NBAS: variants seen among roughly 807,000 people sequenced by gnomAD.
The protein encoded by NBAS is NBAS subunit of NRZ tethering complex.
NBAS carries 219 observed loss-of-function variants against 302.5 expected under a neutral mutation model. That is an observed-to-expected ratio of 0.72 (90% CI 0.65 to 0.81). The LOEUF (loss-of-function observed/expected upper bound fraction) is 0.81. Among genes scored for constraint, NBAS ranks in the 30% least tolerant of loss-of-function variants. NBAS has a pLI of 0.00. For synonymous variants in NBAS, 1,118 were observed against 1,021.6 expected (o/e 1.09, Z -1.80); for missense variants, 2,932 against 2,841.6 (o/e 1.03, Z -0.72).
chr2:15,542,039 T>G (rs1291594785), intron 6 of NBAS, among the ~76,000 whole-genome samples: 8 of 81,998 alleles, frequency 9.8e-5, no homozygotes, highest in Middle Eastern at 6.8e-3. Flanking sequence ...AGCCGCCCCG[T>G]CCAGGAGGTG....
At chr2:14,865,040 T>C in the NBAS span, among the ~76,000 whole-genome samples, 1 of 152,182 alleles carries the variant, frequency 6.6e-6, no homozygotes, top group Non-Finnish European at 1.5e-5. Context: ...TGTCTCTCCA[T>C]ACATGAATTT....
At chr2:14,794,569 A>G in the NBAS span, among the ~76,000 whole-genome samples, 1 of 152,170 alleles carries the variant, frequency 6.6e-6, no homozygotes, top group Non-Finnish European at 1.5e-5. Flanking sequence ...TTTTATTTAT[A>G]TATTTATATC....
At chr2:15,464,681 CCA>C (rs1679646934) in intron 19 of NBAS, among the ~76,000 whole-genome samples, 1 of 152,316 alleles carries the variant, frequency 6.6e-6, no homozygotes, top group Non-Finnish European at 1.5e-5. Flanking sequence ...CTACCCCCAG[CCA>C]CAGTCTCCTC....
chr2:15,385,263 T>A (rs1675230739), intron 28 of NBAS, among the ~76,000 whole-genome samples: 1 of 152,200 alleles, frequency 6.6e-6, no homozygotes, highest in Admixed American at 6.5e-5. Flanking sequence ...TCTTTCAGAT[T>A]GCTTACAGGC....
intron 44 of NBAS, among the ~76,000 whole-genome samples, chr2:15,265,201 C>T (rs148388859): frequency 1.3e-3 from 196 of 152,220 alleles, no homozygotes; most frequent in African/African-American, 4.5e-3. Context: ...CTACAATGAC[C>T]CTTCTCTTTT....
intron 46 of NBAS, among the ~76,000 whole-genome samples, chr2:15,233,582 T>C (rs1219913060): frequency 6.6e-6 from 1 of 152,188 alleles, no homozygotes; most frequent in East Asian, 1.9e-4. Flanking sequence ...CTGTCATCAT[T>C]TGAAAGAGGA....
the NBAS span, among the ~76,000 whole-genome samples, chr2:14,787,611 G>T: frequency 6.6e-6 from 1 of 152,140 alleles, no homozygotes; most frequent in Non-Finnish European, 1.5e-5. Context: ...GAAATTCTGG[G>T]TTGAAAATTC....
chr2:15,004,892 A>G, the NBAS span, among the ~76,000 whole-genome samples: 1 of 152,054 alleles, frequency 6.6e-6, no homozygotes, highest in Non-Finnish European at 1.5e-5. Context: ...TCTATGGTGA[A>G]GTTTATATTT....
At chr2:15,204,875 G>C (rs1418110421) in intron 48 of NBAS, among the ~76,000 whole-genome samples, 1 of 152,138 alleles carries the variant, frequency 6.6e-6, no homozygotes, top group Non-Finnish European at 1.5e-5. Context: ...TGGGGGAAGG[G>C]GGAGGGATAG....
chr2:15,472,279 G>A (rs1990753), intron 16 of NBAS, among the ~76,000 whole-genome samples: 4 of 151,856 alleles, frequency 2.6e-5, no homozygotes, highest in African/African-American at 4.8e-5. Flanking sequence ...AACAAGGCAC[G>A]TGGGCAACAT....
intron 48 of NBAS, among the ~76,000 whole-genome samples, chr2:15,218,548 C>T (rs914584181): frequency 1.6e-4 from 25 of 152,146 alleles, no homozygotes; most frequent in African/African-American, 4.3e-4. Context: ...CTCAGCCTCC[C>T]GAGCAGCTGG....
the NBAS span, among the ~76,000 whole-genome samples, chr2:14,785,825 G>A: frequency 6.6e-6 from 1 of 152,156 alleles, no homozygotes; most frequent in Non-Finnish European, 1.5e-5. Flanking sequence ...TCAGGATGAT[G>A]CTGGCCTCAT....
the NBAS span, among the ~76,000 whole-genome samples, chr2:15,004,760 T>G: frequency 7.0e-6 from 1 of 142,338 alleles, no homozygotes; most frequent in African/African-American, 2.6e-5. Context: ...CCACCCCCCC[T>G]TGGCTTCCCT....
intron 38 of NBAS, among the ~76,000 whole-genome samples, chr2:15,325,901 T>C (rs539017387): frequency 6.6e-6 from 1 of 152,344 alleles, no homozygotes; most frequent in South Asian, 2.1e-4. Flanking sequence ...CAACTCTTCC[T>C]TTCACTTGAA....
rs35237017 is a variant in NBAS, at chr2:15,475,580, T to C, written c.1341+107A>G. On this transcript the variant is annotated intron_variant, in intron 14 of 51. Coordinates refer to ENST00000281513, the MANE Select transcript of NBAS (RefSeq NM_015909.4). ...ACCATTACCTGATTCCAATCACAGA[T>C]TTTTATTTTTAAAGAAAAGATAATA... is the stretch of plus-strand genomic sequence containing the variant. The C allele has an allele frequency of 0.61, 713,281 of 1,163,896 alleles. 230,616 individuals are homozygous for C. The highest frequency in any genetic ancestry group is 0.68 in the Non-Finnish European group (553,348 of 819,168). 72.1% of individuals were successfully genotyped at this position (1,163,896 alleles called of 1,614,324 possible).
chr2:14,824,012 G>T, the NBAS span, among the ~76,000 whole-genome samples: 2 of 152,218 alleles, frequency 1.3e-5, no homozygotes, highest in African/African-American at 4.8e-5. Context: ...GCTACTCAGT[G>T]TCGAGAAGGG....
At chr2:15,154,947 T>C in the NBAS span, among the ~76,000 whole-genome samples, 3 of 152,204 alleles carry the variant, frequency 2.0e-5, no homozygotes, top group Admixed American at 2.0e-4. Flanking sequence ...TTAAGGACTT[T>C]TCCAGTGTTC....
chr2:15,495,261 G>A (rs1681021749), intron 11 of NBAS, among the ~76,000 whole-genome samples: 1 of 152,124 alleles, frequency 6.6e-6, no homozygotes, highest in Admixed American at 6.5e-5. Context: ...ATCAAAAACA[G>A]ATACGATCCT....
intron 50 of NBAS, chr2:15,180,318 T>G (rs1311139185): frequency 6.6e-6 from 1 of 152,226 alleles, no homozygotes; most frequent in East Asian, 1.9e-4. Flanking sequence ...TACACAAACC[T>G]GTGTGACAAT....
Sources: gnomAD v4.1 joint callset for allele counts (sites outside exome capture counted in the v4.1 genomes callset) on GRCh38, gnomAD v4.1.1 for gene constraint, MANE v1.5 for transcripts, NCBI Gene and HGNC (gene_info 2026-07-23, HGNC 2026-07-21) for gene names.